Variants in TLN2 observed in about 807,000 individuals in gnomAD.
TLN2 encodes the protein talin-2.
TLN2 carries 118 observed loss-of-function variants against 294.7 expected under a neutral mutation model. The ratio of observed to expected loss-of-function variants is 0.40; its 90% CI spans 0.34 to 0.47. TLN2 has a LOEUF of 0.47. Ranked by LOEUF, TLN2 falls within the 20% of genes least tolerant of loss-of-function variation. TLN2 has a pLI of 0.84. For synonymous variants in TLN2, 1,431 were observed against 1,304.5 expected, an observed-to-expected ratio of 1.10 and a Z score of -2.09; for missense variants, 3,083 against 3,282.2, an observed-to-expected ratio of 0.94 and a Z score of 1.48.
intron 9 of TLN2, among the ~76,000 whole-genome samples, chr15:62,661,999 T>G: frequency 6.6e-6 from 1 of 152,236 alleles, no homozygotes; most frequent in Non-Finnish European, 1.5e-5. Context: ...ATTTCAGATA[T>G]GCAGTTTTAG....
chr15:62,591,219 T>C (rs1356146289), intron 2 of TLN2, among the ~76,000 whole-genome samples: 1 of 152,240 alleles, frequency 6.6e-6, no homozygotes, highest in Admixed American at 6.5e-5. Context: ...TTTAGCATTA[T>C]GAAAATGCTG....
chr15:62,453,967 C>T (rs1182244876), intron 1 of TLN2, among the ~76,000 whole-genome samples: 1 of 152,178 alleles, frequency 6.6e-6, no homozygotes, highest in African/African-American at 2.4e-5. Flanking sequence ...TGTCCACGGG[C>T]CAGGCCCACC....
chr15:62,552,923 A>G (rs1273628341), intron 1 of TLN2, among the ~76,000 whole-genome samples: 1 of 152,264 alleles, frequency 6.6e-6, no homozygotes, highest in Non-Finnish European at 1.5e-5. Flanking sequence ...ACTACTGCAA[A>G]TAATGAGAAT....
At position 62,507,309 on chromosome 15, in the gene TLN2, G is replaced by A. The variant is rs150976390; in HGVS notation, c.-237-82378G>A. On this transcript the variant is annotated intron_variant, in intron 1 of 58. Transcript: ENST00000636159. ...TCAGCACAATTTGGGAAAGGTGGGG[G>A]TATTCTGCTATGGAATACCAAAGTC... Among the ~76,000 whole-genome samples the A allele has an allele frequency of 2.5e-3, 387 of 152,302 alleles. 4 individuals are homozygous for A. Among genetic ancestry groups the A allele is most frequent in the African/African-American group, 8.9e-3 (369 of 41,560 alleles).
chr15:62,462,397 C>A (rs1461073179), intron 1 of TLN2, among the ~76,000 whole-genome samples: 1 of 152,208 alleles, frequency 6.6e-6, no homozygotes, highest in African/African-American at 2.4e-5. Flanking sequence ...CTGCCTGGGT[C>A]TTCTGAAAGG....
intron 3 of TLN2, among the ~76,000 whole-genome samples, chr15:62,635,615 T>G (rs1029182009): frequency 1.3e-5 from 2 of 152,162 alleles, no homozygotes; most frequent in African/African-American, 4.8e-5. Flanking sequence ...GAAGTCTAGA[T>G]TCAGACAGAC....
chr15:62,664,857 C>CAAAAAAAAAAAAAA (rs10634187), intron 9 of TLN2, among the ~76,000 whole-genome samples: 657 of 29,184 alleles, frequency 0.023, 161 homozygotes, highest in Middle Eastern at 0.083. Flanking sequence ...GAAACTGTCT[C>CAAAAAAAAAAAAAA]AAAAAAAAAA....
intron 47 of TLN2, among the ~76,000 whole-genome samples, chr15:62,797,000 C>T (rs1308985982): frequency 2.0e-5 from 3 of 152,166 alleles, no homozygotes; most frequent in South Asian, 2.1e-4. Flanking sequence ...TCATGTCAGT[C>T]GGCTATGTGA....
chr15:62,698,793 A>G lies in TLN2; in HGVS notation c.1513A>G (p.Ser505Gly), dbSNP rs1373753101. Residue 505 changes from serine (S) to glycine (G), a missense_variant, in exon 16 of 59, where the codon AGC becomes GGC. Transcript: ENST00000636159. ...GGCCCTGATGGGGACCATCAACACA[A>G]GCATGCACGCCGTCCAGCAGGCCCA... ...QQALMGTINT[S>G]MHAVQQAQDD... is the part of the protein sequence containing the mutation. 11 of 1,612,364 alleles carry G rather than the reference A, an allele frequency of 6.8e-6. No homozygotes were observed. The highest frequency in any genetic ancestry group is 3.3e-5 in the South Asian group (3 of 91,072).
intron 28 of TLN2, among the ~76,000 whole-genome samples, chr15:62,729,382 T>G (rs755661136): frequency 6.6e-6 from 1 of 152,196 alleles, no homozygotes; most frequent in Non-Finnish European, 1.5e-5. Context: ...AAAATAATAA[T>G]AAAAAATACT....
intron 1 of TLN2, among the ~76,000 whole-genome samples, chr15:62,440,393 A>G (rs556051596): frequency 1.3e-5 from 2 of 152,330 alleles, no homozygotes; most frequent in East Asian, 1.9e-4. Flanking sequence ...TTTCTTAAGT[A>G]TATGGTACAG....
At chr15:62,547,047 A>G (rs2042033225) in intron 1 of TLN2, among the ~76,000 whole-genome samples, 1 of 152,194 alleles carries the variant, frequency 6.6e-6, no homozygotes, top group Non-Finnish European at 1.5e-5. Context: ...GAAACACTGA[A>G]TCTGGCCGTT....
At chr15:62,692,182 G>A (rs1391897646) in intron 12 of TLN2, among the ~76,000 whole-genome samples, 1 of 152,206 alleles carries the variant, frequency 6.6e-6, no homozygotes, top group East Asian at 1.9e-4. Context: ...GTCGATGAAG[G>A]CAGAAGGCAC....
intron 1 of TLN2, among the ~76,000 whole-genome samples, chr15:62,438,516 G>T (rs2035401086): frequency 6.6e-6 from 1 of 152,084 alleles, no homozygotes; most frequent in Admixed American, 6.5e-5. Context: ...CCTTACCTCT[G>T]ACCACTTGCA....
chr15:62,807,402 C>G (rs2066365089), intron 51 of TLN2, among the ~76,000 whole-genome samples: 1 of 152,184 alleles, frequency 6.6e-6, no homozygotes, highest in Non-Finnish European at 1.5e-5. Context: ...TGACCAAGGT[C>G]ACGCAGCTAT....
intron 1 of TLN2, among the ~76,000 whole-genome samples, chr15:62,552,195 C>T (rs1245838392): frequency 6.6e-6 from 1 of 152,104 alleles, no homozygotes; most frequent in East Asian, 1.9e-4. Flanking sequence ...AACCCCTGGT[C>T]GATAATCACT....
intron 52 of TLN2, among the ~76,000 whole-genome samples, chr15:62,818,439 T>G (rs902819296): frequency 4.6e-5 from 7 of 152,172 alleles, no homozygotes; most frequent in African/African-American, 1.7e-4. Flanking sequence ...AGATCCCTGG[T>G]GGAAGATGGG....
At chr15:62,835,656 C>A in intron 55 of TLN2, 81 bp from the exon 56 acceptor site, 1 of 1,531,916 alleles carries the variant, frequency 6.5e-7, no homozygotes, top group South Asian at 1.1e-5. Flanking sequence ...AGTCTGGTTC[C>A]CGAGCAAGGT....
At chr15:62,619,309 C>T (rs1210112059) in intron 3 of TLN2, among the ~76,000 whole-genome samples, 2 of 152,200 alleles carry the variant, frequency 1.3e-5, no homozygotes, top group African/African-American at 4.8e-5. Context: ...CTGGAGTGGG[C>T]GTGCCCATTC....
Sources: gnomAD v4.1 joint callset for allele counts (sites outside exome capture counted in the v4.1 genomes callset) on GRCh38, gnomAD v4.1.1 for gene constraint, MANE v1.5 for transcripts, NCBI Gene and HGNC (gene_info 2026-07-23, HGNC 2026-07-21) for gene names.